The following GLIS3 variants were observed in gnomAD, a reference collection of about 807,000 sequenced individuals.
GLIS3 encodes GLIS family zinc finger 3.
Under a neutral mutation model 78.6 loss-of-function variants are expected in GLIS3, and 53 were observed. The ratio of observed to expected loss-of-function variants is 0.67; its 90% confidence interval spans 0.54 to 0.85. The LOEUF (loss-of-function observed/expected upper bound fraction) is 0.85. GLIS3 is among the 40% of genes least tolerant of loss of function. GLIS3 has a pLI of 0.00. For synonymous variants in GLIS3, 684 were observed against 509.9 expected (o/e 1.34, Z -4.60); for missense variants, 1,703 against 1,231.1 (o/e 1.38, Z -5.74).
intron 4 of GLIS3, among the ~76,000 whole-genome samples, chr9:4,056,757 C>T (rs1023643496): frequency 4.6e-5 from 7 of 151,850 alleles, no homozygotes; most frequent in African/African-American, 1.7e-4. Flanking sequence ...GTCAAATGGG[C>T]ACTTAGTAAA....
intron 7 of GLIS3, among the ~76,000 whole-genome samples, chr9:3,882,587 T>C (rs573352681): frequency 6.6e-6 from 1 of 152,282 alleles, no homozygotes; most frequent in African/African-American, 2.4e-5. Flanking sequence ...GAATATGCCC[T>C]CCAGCTGTGC....
chr9:4,376,459 A>T, the GLIS3 span, among the ~76,000 whole-genome samples: 1 of 137,380 alleles, frequency 7.3e-6, no homozygotes, highest in Non-Finnish European at 1.7e-5. Flanking sequence ...AAGAAACCAC[A>T]AAGGAAAGAC....
chr9:3,985,965 G>T (rs1054740870), intron 4 of GLIS3, among the ~76,000 whole-genome samples: 4 of 152,124 alleles, frequency 2.6e-5, no homozygotes, highest in African/African-American at 9.7e-5. Flanking sequence ...AAATTCATTT[G>T]TGGAGAAAAA....
intron 4 of GLIS3, among the ~76,000 whole-genome samples, chr9:4,062,980 C>A (rs997139653): frequency 6.6e-6 from 1 of 151,556 alleles, no homozygotes; most frequent in Non-Finnish European, 1.5e-5. Context: ...AGTATGCAAA[C>A]GACACAAATT....
chr9:3,906,887 T>C (rs1045881053), intron 6 of GLIS3, among the ~76,000 whole-genome samples: 1 of 152,174 alleles, frequency 6.6e-6, no homozygotes, highest in Non-Finnish European at 1.5e-5. Context: ...TATCTCACTG[T>C]CTGCAAACTT....
intron 9 of GLIS3, among the ~76,000 whole-genome samples, chr9:3,844,473 T>A (rs1818918404): frequency 6.6e-6 from 1 of 152,170 alleles, no homozygotes; most frequent in Non-Finnish European, 1.5e-5. Flanking sequence ...GAGTTTCAGG[T>A]ATAAGAACAT....
intron 1 of GLIS3, among the ~76,000 whole-genome samples, chr9:4,294,282 G>T (rs1816284159): frequency 1.3e-5 from 2 of 152,220 alleles, no homozygotes; most frequent in African/African-American, 4.8e-5. Context: ...GCCAAGGTGG[G>T]TGGATCACCT....
chr9:4,320,226 T>G (rs1817504073), intron 2 of GLIS3, among the ~76,000 whole-genome samples: 1 of 152,180 alleles, frequency 6.6e-6, no homozygotes, highest in South Asian at 2.1e-4. Context: ...AATGTCTCCC[T>G]GACCCTGCAT....
intron 2 of GLIS3, among the ~76,000 whole-genome samples, chr9:4,214,847 T>C (rs7043121): frequency 0.41 from 62,675 of 152,028 alleles, 13,259 homozygotes; most frequent in Non-Finnish European, 0.46. Context: ...GAAAAAAAAT[T>C]AGCCTTGCAA....
At chr9:4,027,169 G>C (rs541168399) in intron 4 of GLIS3, among the ~76,000 whole-genome samples, 220 of 152,248 alleles carry the variant, frequency 1.4e-3, no homozygotes, top group African/African-American at 5.1e-3. Flanking sequence ...CAATCCACTG[G>C]GATGCAATGT....
intron 4 of GLIS3, among the ~76,000 whole-genome samples, chr9:3,964,126 T>G (rs1817758422): frequency 6.6e-6 from 1 of 151,684 alleles, no homozygotes; most frequent in South Asian, 2.1e-4. Context: ...GCCCAAGCCA[T>G]TAGCTTCAGG....
At chr9:3,833,367 G>A (rs750221509) in intron 9 of GLIS3, among the ~76,000 whole-genome samples, 18 of 152,134 alleles carry the variant, frequency 1.2e-4, no homozygotes, top group Non-Finnish European at 2.1e-4. Context: ...AAAAAATTCC[G>A]TTAGGGTCTT....
At chr9:4,137,969 C>G (rs1409387251) in intron 2 of GLIS3, among the ~76,000 whole-genome samples, 1 of 152,188 alleles carries the variant, frequency 6.6e-6, no homozygotes, top group Admixed American at 6.5e-5. Context: ...CTCTGAAAAA[C>G]TGAAACACCA....
chr9:3,958,587 C>T (rs976799949), intron 4 of GLIS3, among the ~76,000 whole-genome samples: 2 of 152,200 alleles, frequency 1.3e-5, no homozygotes, highest in South Asian at 2.1e-4. Context: ...TTAATAAACA[C>T]GTGTTGGGCT....
intron 2 of GLIS3, among the ~76,000 whole-genome samples, chr9:4,323,868 A>G (rs1039907502): frequency 6.6e-6 from 1 of 152,226 alleles, no homozygotes; most frequent in South Asian, 2.1e-4. Context: ...ATTTATCTCT[A>G]CTATTCAGTA....
At chr9:3,874,627 C>A (rs115652957) in intron 8 of GLIS3, among the ~76,000 whole-genome samples, 129 of 152,206 alleles carry the variant, frequency 8.5e-4, no homozygotes, top group African/African-American at 2.7e-3. Flanking sequence ...CCTGTGGAAT[C>A]TGACACTCTC....
chr9:4,481,109 G>A, the GLIS3 span, among the ~76,000 whole-genome samples: 8 of 152,062 alleles, frequency 5.3e-5, no homozygotes, highest in African/African-American at 1.9e-4. Flanking sequence ...TCCCAAGTGG[G>A]CCTCCCAAAG....
rs201716083 is a variant in GLIS3, at chr9:4,118,528, T to C, written c.950A>G (p.Asn317Ser). 14 of 1,614,188 alleles carry C rather than the reference T, an allele frequency of 8.7e-6. No individual in the cohort carries two copies. The highest frequency in any genetic ancestry group is 4.5e-5 in the East Asian group (2 of 44,880). ...PLSDGIGIDF[N>S]TIIRTSPTSL... ...CGTGGGCGACGTGCGGATGATGGTA[T>C]TGAAATCTATCCCGATGCCATCGGA... The change falls in exon 4 of 11, where the codon AAT becomes AGT. Residue 317 changes from asparagine to serine, a missense_variant. Asn to Ser is a conservative substitution (Grantham distance 46). Transcript: ENST00000381971. The surrounding 1 kb of genome is among the most constrained non-coding windows in gnomAD (Gnocchi z 4.7).
chr9:3,898,676 C>G lies in GLIS3; in HGVS notation c.2128+15G>C, dbSNP rs959189410. 1.2e-6 allele frequency: 2 copies of G among 1,613,906 alleles called. No individual in the cohort carries two copies. Among genetic ancestry groups the G allele is most frequent in the African/African-American group, 1.3e-5 (1 of 74,852 alleles). On this transcript the variant is annotated intron_variant, in intron 7 of 10. Coordinates refer to ENST00000381971, the MANE Select transcript of GLIS3 (RefSeq NM_001042413.2). The stretch of plus-strand genomic sequence containing the variant: ...AAAGGGTAGTTGTGGTTGGCTCTGC[C>G]TTTGCTGTCTTTACCTGAATAGAGG...
Sources: gnomAD v4.1 joint callset for allele counts (sites outside exome capture counted in the v4.1 genomes callset) on GRCh38, gnomAD v4.1.1 for gene constraint, Gnocchi (gnomAD v3.1) non-coding constraint, MANE v1.5 for transcripts, NCBI Gene and HGNC (gene_info 2026-07-23, HGNC 2026-07-21) for gene names.